PCF11: variants seen among roughly 807,000 people sequenced by gnomAD.
The protein encoded by PCF11 is pre-mRNA cleavage complex 2 protein Pcf11.
PCF11 carries 19 observed loss-of-function variants against 166.1 expected under a neutral mutation model. The ratio of observed to expected loss-of-function variants is 0.11; its 90% CI spans 0.08 to 0.17. The LOEUF (loss-of-function observed/expected upper bound fraction) is 0.17. Among genes scored for constraint, PCF11 ranks in the 10% least tolerant of loss-of-function variants. The pLI, the probability that PCF11 is intolerant of heterozygous loss-of-function variation, is 1.00. For synonymous variants in PCF11, 663 were observed against 644.1 expected, an observed-to-expected ratio of 1.03 and a Z score of -0.44; for missense variants, 1,565 against 1,855.5, an observed-to-expected ratio of 0.84 and a Z score of 2.88.
At chr11:83,166,620 A>G (rs1411193616) in exon 5 of PCF11, 7 of 1,613,870 alleles carry the variant, frequency 4.3e-6, no homozygotes, top group African/African-American at 1.3e-5. Flanking sequence ...TCAGCATTCT[A>G]CAAAGTCAGG....
intron 9 of PCF11, among the ~76,000 whole-genome samples, chr11:83,173,405 A>G (rs1326609178): frequency 6.6e-6 from 1 of 152,118 alleles, no homozygotes; most frequent in Non-Finnish European, 1.5e-5. Flanking sequence ...CAGTGAGCCA[A>G]GATCAGGCCA....
chr11:83,184,741 T>C (rs773900386), exon 16 of PCF11: 3 of 1,611,668 alleles, frequency 1.9e-6, no homozygotes, highest in East Asian at 2.2e-5. Flanking sequence ...CCTTGAATAT[T>C]ATGTTGAACA....
chr11:83,184,883 G>C, exon 16 of PCF11: 1 of 1,552,448 alleles, frequency 6.4e-7, no homozygotes, highest in Non-Finnish European at 8.7e-7. Flanking sequence ...TGACACAGTC[G>C]AGTCAGTTTA....
chr11:83,166,083 G>T (rs370276004), exon 5 of PCF11: 3 of 1,610,722 alleles, frequency 1.9e-6, no homozygotes, highest in Non-Finnish European at 2.5e-6. Flanking sequence ...GAGGTTGTCT[G>T]ATATGAACAA....
chr11:83,176,687 G>C (rs759751578), intron 9 of PCF11, among the ~76,000 whole-genome samples: 1 of 152,014 alleles, frequency 6.6e-6, no homozygotes, highest in African/African-American at 2.4e-5. Context: ...GCACAGTCGG[G>C]GGGTGGGGGG....
chr11:83,179,274 G>A (rs1861000800), intron 11 of PCF11, among the ~76,000 whole-genome samples: 2 of 150,104 alleles, frequency 1.3e-5, no homozygotes, highest in South Asian at 4.2e-4. Flanking sequence ...TTTTGAGACA[G>A]AGTCTCACTC....
At chr11:83,162,743 C>G (rs1250086903) in intron 2 of PCF11, among the ~76,000 whole-genome samples, 2 of 152,138 alleles carry the variant, frequency 1.3e-5, no homozygotes, top group African/African-American at 2.4e-5. Flanking sequence ...TTTCCCAAGT[C>G]CTAGGTTTCT....
At chr11:83,177,852 G>T in intron 11 of PCF11, 33 bp downstream of exon 11, 1 of 1,052,818 alleles carries the variant, frequency 9.5e-7, no homozygotes, top group Non-Finnish European at 1.4e-6. Flanking sequence ...AGATAAAGAG[G>T]CAGTGACTTT....
rs370041406 is a variant in PCF11, at chr11:83,166,993, CATTT to C, written c.1818-126_1818-123del. On this transcript the variant is annotated intron_variant, in intron 5 of 15. Transcript: ENST00000298281. The stretch of plus-strand genomic sequence containing the variant: ...TGATTTCATATTTTGTGCTCTTAAT[CATTT>C]ATTTAATTACTTTTTGTGGTTACAT... 410 of 730,712 alleles carry C rather than the reference CATTT, an allele frequency of 5.6e-4. No individual in the cohort carries two copies. The African/African-American group carries it at 5.8e-3, about 10-fold the overall frequency. 45.3% of individuals were successfully genotyped at this position (730,712 alleles called of 1,614,324 possible).
chr11:83,185,929 A>G (rs763131533), exon 16 of PCF11: 2 of 152,590 alleles, frequency 1.3e-5, no homozygotes, highest in Non-Finnish European at 2.9e-5. Context: ...CTTTTCTGCC[A>G]TTTATTGGAG....
In PCF11 at chr11:83,167,599, A is replaced by G; in HGVS notation, c.2092+94A>G. ...CTCTTATCTGATGCTGAATTAACCT[A>G]CTATGAACATAAAGCAAAACTGAAA... is the stretch of plus-strand genomic sequence containing the variant. On this transcript the variant is annotated intron_variant, in intron 7 of 15. Coordinates refer to ENST00000298281, the Ensembl canonical transcript of PCF11. The surrounding 1 kb of genome is among the most constrained non-coding windows in gnomAD (Gnocchi z 4.2). 6.5e-7 allele frequency: 1 copy of G among 1,544,620 alleles called. No individual in the cohort carries two copies. Among genetic ancestry groups the G allele is most frequent in the Non-Finnish European group, 8.7e-7 (1 of 1,145,918 alleles).
chr11:83,169,780 G>A, exon 8 of PCF11: 2 of 1,613,742 alleles, frequency 1.2e-6, no homozygotes, highest in South Asian at 1.1e-5. Context: ...CCCATCCCAA[G>A]GACTACAGTT....
At chr11:83,157,914 C>T (rs903698305) in intron 1 of PCF11, 7 of 411,078 alleles carry the variant, frequency 1.7e-5, no homozygotes, top group South Asian at 3.8e-5. Context: ...TTGAATAGAG[C>T]CCTTTGGGGT....
Position 83,167,074 on chromosome 11 carries a change from G to A in PCF11, c.1818-51G>A, listed in dbSNP as rs1024979980. The stretch of plus-strand genomic sequence containing the variant: ...AAAGAATCTTTAAATATGGTCCTGA[G>A]TATTTTTTAAAAAAACATTTCAATG... On this transcript the variant is annotated intron_variant, in intron 5 of 15. Transcript: ENST00000298281. The surrounding 1 kb of genome is among the most constrained non-coding windows in gnomAD (Gnocchi z 4.2). The A allele has an allele frequency of 2.9e-6, 4 of 1,401,720 alleles. No homozygotes were observed. The African/African-American group carries it at 5.8e-5, about 20-fold the overall frequency. The allele number at this position is 1,401,720 out of a possible 1,614,324, so 86.8% of individuals were successfully genotyped here.
Position 83,177,071 on chromosome 11 carries a change from C to G in PCF11, c.3758-14C>G. On this transcript the variant is annotated splice_polypyrimidine_tract_variant and intron_variant, in intron 9 of 15. Transcript: ENST00000298281. ...CAAAAGTGGTTTTTTTTCTTTCTTT[C>G]TTTTTTTTGTTAGGAGCCCTCCCTA... The G allele has an allele frequency of 2.1e-6, 3 of 1,437,158 alleles. No individual in the cohort carries two copies. Among genetic ancestry groups the G allele is most frequent in the East Asian group, 2.7e-5 (1 of 37,338 alleles). The allele number at this position is 1,437,158 out of a possible 1,614,324, so 89.0% of individuals were successfully genotyped here.
exon 1 of PCF11, chr11:83,157,437 G>A: frequency 6.2e-7 from 1 of 1,607,050 alleles, no homozygotes; most frequent in Non-Finnish European, 8.5e-7. Context: ...GGGCCGCGGC[G>A]CAATGTCAGA....
At chr11:83,184,566 A>G (rs150849707) in intron 15 of PCF11, 113 bp from the exon 16 acceptor site, 2 of 696,576 alleles carry the variant, frequency 2.9e-6, no homozygotes, top group African/African-American at 1.8e-5. Flanking sequence ...TTTCATTTGC[A>G]TTTGGTTGTA....
At chr11:83,172,399 A>G (rs1860718880) in intron 9 of PCF11, among the ~76,000 whole-genome samples, 1 of 152,054 alleles carries the variant, frequency 6.6e-6, no homozygotes, top group Admixed American at 6.6e-5. Flanking sequence ...AGATAAAAGG[A>G]CTTTTAAAAT....
intron 9 of PCF11, among the ~76,000 whole-genome samples, chr11:83,175,146 T>A (rs780958933): frequency 1.3e-5 from 2 of 152,188 alleles, no homozygotes; most frequent in Non-Finnish European, 2.9e-5. Flanking sequence ...TGTTTTCTTT[T>A]TTTTGAGATA....
Sources: gnomAD v4.1 joint callset for allele counts (sites outside exome capture counted in the v4.1 genomes callset) on GRCh38, gnomAD v4.1.1 for gene constraint, Gnocchi (gnomAD v3.1) non-coding constraint, MANE v1.5 for transcripts, NCBI Gene and HGNC (gene_info 2026-07-23, HGNC 2026-07-21) for gene names.